The following PCDHA3 variants were observed in gnomAD, a reference collection of about 807,000 sequenced individuals.
PCDHA3 encodes the protein protocadherin alpha 3, also known as protocadherin alpha-3.
Under a neutral mutation model 62.2 loss-of-function variants are expected in PCDHA3, and 41 were observed. The ratio of observed to expected loss-of-function variants is 0.66; its 90% CI spans 0.51 to 0.86. PCDHA3 has a LOEUF of 0.86. PCDHA3 is among the 40% of genes least tolerant of loss of function. PCDHA3 has a pLI of 0.00. For missense variants in PCDHA3, 1,304 were observed against 1,241.2 expected, an observed-to-expected ratio of 1.05 and a Z score of -0.76; for synonymous variants, 640 against 555.4, an observed-to-expected ratio of 1.15 and a Z score of -2.14.
intron 3 of PCDHA3, among the ~76,000 whole-genome samples, chr5:140,993,129 G>A (rs1216210971): frequency 6.6e-6 from 1 of 152,160 alleles, no homozygotes; most frequent in Non-Finnish European, 1.5e-5. Flanking sequence ...ATTTCCTTCT[G>A]TTGCAACAAG....
At chr5:141,003,181 C>T (rs564008062) in intron 3 of PCDHA3, among the ~76,000 whole-genome samples, 8 of 152,328 alleles carry the variant, frequency 5.3e-5, no homozygotes, top group African/African-American at 1.7e-4. Flanking sequence ...AGGCTCAACT[C>T]CATCAACTCA....
chr5:140,935,108 A>G (rs1181696268), intron 1 of PCDHA3, among the ~76,000 whole-genome samples: 3 of 152,148 alleles, frequency 2.0e-5, no homozygotes, highest in Non-Finnish European at 4.4e-5. Context: ...TTTTTCAAAG[A>G]GCTTTCACTT....
chr5:140,858,413 A>G lies in PCDHA3; in HGVS notation c.2394+54822A>G, dbSNP rs150984635. 3.9e-4 allele frequency: 609 copies of G among 1,562,348 alleles called. 39 individuals are homozygous for G. The African/African-American group carries it at 7.5e-3, about 19-fold the overall frequency. On this transcript the variant is annotated intron_variant, in intron 1 of 3. Transcript: ENST00000522353. Reference sequence around the variant, plus strand: ...AGATGTGGACGGGGAAGATCAGTCTATTGGAGGGGACCACTCTAGGAAGGT... The same window carrying G: ...AGATGTGGACGGGGAAGATCAGTCTGTTGGAGGGGACCACTCTAGGAAGGT...
chr5:140,876,732 C>T, intron 1 of PCDHA3: 1 of 1,614,246 alleles, frequency 6.2e-7, no homozygotes, highest in South Asian at 1.1e-5. Context: ...GCGTGTCGGC[C>T]TATGAGCTGG....
chr5:140,863,012 G>A, intron 1 of PCDHA3: 1 of 552,296 alleles, frequency 1.8e-6, no homozygotes, highest in South Asian at 1.4e-5. Context: ...CAGCTATGAC[G>A]CCTGGTTGTC....
At position 140,828,473 on chromosome 5, in the gene PCDHA3, G is replaced by C. The variant is rs1269610304; in HGVS notation, c.2394+24882G>C. On this transcript the variant is annotated intron_variant, in intron 1 of 3. Coordinates refer to ENST00000522353, the MANE Select transcript of PCDHA3 (RefSeq NM_018906.3). The stretch of plus-strand genomic sequence containing the variant: ...GGACGTGGAGGTGAGGGACATTAAC[G>C]ACAACCCGCCCTTGTTCCCGGTAGA... 7 of 1,614,130 alleles carry C rather than the reference G, an allele frequency of 4.3e-6. No homozygotes were observed. In the Admixed American group the frequency reaches 6.7e-5, roughly 15 times the overall value.
At chr5:140,868,370 A>C (rs1424656791) in intron 1 of PCDHA3, 2 of 152,204 alleles carry the variant, frequency 1.3e-5, no homozygotes, top group African/African-American at 4.8e-5. Flanking sequence ...TGTAAATAAC[A>C]GTAAAGAATG....
intron 1 of PCDHA3, chr5:140,870,846 G>T: frequency 6.2e-7 from 1 of 1,613,860 alleles, no homozygotes; most frequent in Non-Finnish European, 8.5e-7. Context: ...AGCTAGTACC[G>T]CGGTCGGTGG....
Position 141,010,240 on chromosome 5 carries a change from G to A in PCDHA3, c.*303G>A. The A allele has an allele frequency of 6.4e-7, 1 of 1,551,928 alleles. No homozygotes were observed. The highest frequency in any genetic ancestry group is 8.7e-7 in the Non-Finnish European group (1 of 1,147,042). ...GGCTTCCCAGCCCCGCCAGTGAGAGGTTGGACTCTCTGCCCTGTGCTCCGG... is the reference window on the plus strand; with the variant it reads ...GGCTTCCCAGCCCCGCCAGTGAGAGATTGGACTCTCTGCCCTGTGCTCCGG... On this transcript the variant is annotated 3_prime_UTR_variant, in exon 4 of 4. Coordinates refer to ENST00000522353, the MANE Select transcript of PCDHA3 (RefSeq NM_018906.3).
At chr5:140,908,704 C>T (rs1241248582) in intron 1 of PCDHA3, among the ~76,000 whole-genome samples, 12 of 152,178 alleles carry the variant, frequency 7.9e-5, no homozygotes, top group African/African-American at 2.9e-4. Context: ...CCTCAAGCAC[C>T]ATTGGATCTG....
rs574855184 is a variant in PCDHA3 at position 140,890,340 on chromosome 5, G to C, written c.2394+86749G>C. ...TTTAAGATATTAGGTAGTTGGGATG[G>C]TTTACTATATAGCAATGGATAACCT... On this transcript the variant is annotated intron_variant, in intron 1 of 3. Coordinates refer to ENST00000522353, the MANE Select transcript of PCDHA3 (RefSeq NM_018906.3). 9.1e-4 allele frequency among the ~76,000 whole-genome samples: 139 copies of C among 152,222 alleles called. 2 individuals are homozygous for C. The Middle Eastern group carries it at 0.017, about 19-fold the overall frequency.
chr5:140,839,126 A>G (rs1399665834), intron 1 of PCDHA3, among the ~76,000 whole-genome samples: 8 of 151,272 alleles, frequency 5.3e-5, no homozygotes, highest in East Asian at 3.9e-4. Context: ...ATAATATGTC[A>G]TTCACATAAG....
rs1485742296 is a variant in PCDHA3, at chr5:140,974,143, T to C, written c.2395-4806T>C. On this transcript the variant is annotated intron_variant, in intron 1 of 3. Transcript: ENST00000522353. ...GTTTTAAATCTGCTAACCTGAAAACTATACAAGGGTTTTTCTTTCAAGAAT... is the reference window on the plus strand; with the variant it reads ...GTTTTAAATCTGCTAACCTGAAAACCATACAAGGGTTTTTCTTTCAAGAAT... 2.0e-5 allele frequency among the ~76,000 whole-genome samples: 3 copies of C among 152,324 alleles called. No homozygotes were observed. The East Asian group carries it at 5.8e-4, about 29-fold the overall frequency.
intron 1 of PCDHA3, among the ~76,000 whole-genome samples, chr5:140,941,211 C>CT (rs59928198): frequency 0.24 from 30,589 of 127,372 alleles, 3,669 homozygotes; most frequent in South Asian, 0.38. Context: ...TCCTTTCTTT[C>CT]TTCCTTTCTT....
intron 1 of PCDHA3, among the ~76,000 whole-genome samples, chr5:140,960,080 A>G: frequency 6.6e-6 from 1 of 152,360 alleles, no homozygotes; most frequent in South Asian, 2.1e-4. Context: ...GAAGTTTCTA[A>G]AAGAGAAAGA....
intron 1 of PCDHA3, chr5:140,835,455 C>T: frequency 2.5e-6 from 4 of 1,613,900 alleles, no homozygotes; most frequent in Non-Finnish European, 3.4e-6. Context: ...CCTGTCTCTC[C>T]CTATTCCAGA....
At chr5:140,828,128 T>C in intron 1 of PCDHA3, 1 of 1,613,504 alleles carries the variant, frequency 6.2e-7, no homozygotes, top group Non-Finnish European at 8.5e-7. Flanking sequence ...GGGAAAGCAA[T>C]GTCTGCTCCT....
At chr5:140,851,138 G>T in intron 1 of PCDHA3, 2 of 1,312,402 alleles carry the variant, frequency 1.5e-6, no homozygotes, top group Non-Finnish European at 2.0e-6. Context: ...TGTGATTAAA[G>T]TGACATTGAA....
At chr5:140,967,579 C>G in intron 1 of PCDHA3, 7 of 1,614,154 alleles carry the variant, frequency 4.3e-6, no homozygotes, top group South Asian at 1.1e-5. Context: ...AGGACTCACC[C>G]CCAGGCACAT....
Sources: allele counts gnomAD v4.1 joint callset (sites outside exome capture counted in the v4.1 genomes callset), GRCh38; gene constraint gnomAD v4.1.1; transcripts MANE v1.5; gene names NCBI Gene and HGNC (gene_info 2026-07-23, HGNC 2026-07-21).